Variants in RFTN2 observed in about 807,000 individuals in gnomAD.
The protein encoded by RFTN2 is raftlin-2.
Under a neutral mutation model 52.7 loss-of-function variants are expected in RFTN2, and 34 were observed. That is an observed-to-expected ratio of 0.64 (90% CI 0.49 to 0.86). RFTN2 has a LOEUF of 0.86. Ranked by LOEUF, RFTN2 falls within the 40% of genes least tolerant of loss-of-function variation. The pLI, the probability that RFTN2 is intolerant of heterozygous loss-of-function variation, is 0.00. For missense variants in RFTN2, 536 were observed against 600.1 expected (o/e 0.89, Z 1.12); for synonymous variants, 203 against 217.7 (o/e 0.93, Z 0.59).
chr2:197,597,120 T>G (rs967425041), intron 7 of RFTN2, among the ~76,000 whole-genome samples: 1 of 152,238 alleles, frequency 6.6e-6, no homozygotes, highest in Non-Finnish European at 1.5e-5. Flanking sequence ...ATATGTCAAC[T>G]GCATACCATT....
chr2:197,580,016 G>A lies in RFTN2; in HGVS notation c.1234-7736C>T, dbSNP rs536958974. Among the ~76,000 whole-genome samples the A allele has an allele frequency of 5.3e-5, 8 of 152,118 alleles. No homozygotes were observed. The East Asian group carries it at 7.7e-4, about 15-fold the overall frequency. ...TCCGACCTCTCCCAAATCAATTAGC[G>A]TTTAGGCTCTTTTTCATCAAATTAA... On this transcript the variant is annotated intron_variant, in intron 8 of 8. Transcript: ENST00000295049.
chr2:197,584,905 T>C (rs958346924), intron 8 of RFTN2, among the ~76,000 whole-genome samples: 5 of 152,160 alleles, frequency 3.3e-5, no homozygotes, highest in Admixed American at 6.5e-5. Context: ...ACCAGCTATA[T>C]GAAGACACCC....
intron 1 of RFTN2, among the ~76,000 whole-genome samples, chr2:197,665,109 G>A (rs192645812): frequency 3.9e-5 from 6 of 152,270 alleles, no homozygotes; most frequent in African/African-American, 4.8e-5. Context: ...GCAATATCCC[G>A]TGTAACAAAC....
chr2:197,634,111 A>G (rs1327926041), intron 3 of RFTN2, 114 bp from the exon 4 acceptor site: 2 of 854,578 alleles, frequency 2.3e-6, no homozygotes, highest in East Asian at 2.6e-5. Flanking sequence ...GAGTAACTTG[A>G]CCAGTGACAA....
intron 7 of RFTN2, among the ~76,000 whole-genome samples, chr2:197,603,582 G>A (rs2087913053): frequency 6.6e-6 from 1 of 152,080 alleles, no homozygotes; most frequent in African/African-American, 2.4e-5. Flanking sequence ...CTCCCAAAGG[G>A]CTGAGATTAC....
At chr2:197,615,436 C>T (rs2088125836) in intron 7 of RFTN2, among the ~76,000 whole-genome samples, 1 of 152,150 alleles carries the variant, frequency 6.6e-6, no homozygotes, top group Admixed American at 6.5e-5. Context: ...TTTTCCTTTC[C>T]AGGAAAGTTA....
intron 4 of RFTN2, 82 bp downstream of exon 4, chr2:197,633,636 A>G (rs1233450572): frequency 1.4e-5 from 14 of 1,015,984 alleles, no homozygotes; most frequent in Non-Finnish European, 1.9e-5. Flanking sequence ...ATTTACTTTG[A>G]CTCATATTTC....
intron 3 of RFTN2, among the ~76,000 whole-genome samples, chr2:197,635,169 C>T (rs1368352352): frequency 1.3e-5 from 2 of 152,038 alleles, no homozygotes; most frequent in Non-Finnish European, 2.9e-5. Flanking sequence ...CAAGTCTTTG[C>T]TATTGTGAAT....
chr2:197,672,923 T>G lies in RFTN2; in HGVS notation c.139+2397A>C, dbSNP rs114438017. ...ATGGGAGGTGTAAGTTGTTTTGTTT[T>G]CTGGGTGGAGCTTTGAAAGTGATAT... is the stretch of plus-strand genomic sequence containing the variant. On this transcript the variant is annotated intron_variant, in intron 1 of 8. Coordinates refer to ENST00000295049, the MANE Select transcript of RFTN2 (RefSeq NM_144629.3). Among the ~76,000 whole-genome samples the G allele has an allele frequency of 6.5e-3, 991 of 152,224 alleles. 11 individuals carry two copies. Among genetic ancestry groups the G allele is most frequent in the South Asian group, 0.032 (155 of 4,820 alleles).
At chr2:197,664,643 G>A (rs952041254) in intron 1 of RFTN2, among the ~76,000 whole-genome samples, 4 of 151,858 alleles carry the variant, frequency 2.6e-5, no homozygotes, top group South Asian at 2.1e-4. Context: ...AATTTAGCTG[G>A]GTGTGGTGGT....
chr2:197,593,655 G>A (rs575171552), intron 8 of RFTN2, among the ~76,000 whole-genome samples: 3 of 152,186 alleles, frequency 2.0e-5, no homozygotes, highest in Admixed American at 6.5e-5. Flanking sequence ...GTGGGAGGCC[G>A]AGGTGGGGGG....
intron 7 of RFTN2, among the ~76,000 whole-genome samples, chr2:197,598,390 C>A (rs893126596): frequency 6.6e-6 from 1 of 152,074 alleles, no homozygotes; most frequent in South Asian, 2.1e-4. Context: ...GCAGAAGAGA[C>A]CTTCTGGGTA....
At chr2:197,655,688 G>A (rs2106261284) in intron 1 of RFTN2, among the ~76,000 whole-genome samples, 1 of 152,216 alleles carries the variant, frequency 6.6e-6, no homozygotes, top group South Asian at 2.1e-4. Flanking sequence ...GCCAGGCATG[G>A]TGGTGTGTGC....
chr2:197,599,012 C>CA (rs1177682911), intron 7 of RFTN2, among the ~76,000 whole-genome samples: 2 of 151,502 alleles, frequency 1.3e-5, no homozygotes, highest in African/African-American at 4.9e-5. Flanking sequence ...AGTGCAGTGG[C>CA]ACGACCTCGG....
intron 8 of RFTN2, among the ~76,000 whole-genome samples, chr2:197,589,934 TCTCA>T (rs771946348): frequency 6.6e-5 from 10 of 152,214 alleles, no homozygotes; most frequent in Non-Finnish European, 1.2e-4. Context: ...TGAGACAAGG[TCTCA>T]CTCTGTTGCT....
At chr2:197,589,219 CAAAAAAAAAAAAAAAAAAAAA>C (rs35798927) in intron 8 of RFTN2, among the ~76,000 whole-genome samples, 6 of 33,536 alleles carry the variant, frequency 1.8e-4, no homozygotes, top group South Asian at 2.7e-3. Context: ...GACTCTGTCT[CAAAAAAAAAAAAAAAAAAAAA>C]AAAAAAAAAA....
intron 8 of RFTN2, chr2:197,588,162 C>T: frequency 2.6e-6 from 1 of 383,534 alleles, no homozygotes; most frequent in Non-Finnish European, 5.2e-6. Flanking sequence ...CCTATAATTC[C>T]ATCTCCCAGA....
At chr2:197,588,530 G>A (rs1006728500) in intron 8 of RFTN2, among the ~76,000 whole-genome samples, 1 of 152,128 alleles carries the variant, frequency 6.6e-6, no homozygotes. Flanking sequence ...TTATTTCTGA[G>A]TATTTAATTG....
chr2:197,577,630 C>T (rs985910077), intron 8 of RFTN2, among the ~76,000 whole-genome samples: 1 of 152,234 alleles, frequency 6.6e-6, no homozygotes, highest in Non-Finnish European at 1.5e-5. Context: ...GCGCTCCTTT[C>T]TCAAGCCTGG....
Sources: gnomAD v4.1 joint callset for allele counts (sites outside exome capture counted in the v4.1 genomes callset) on GRCh38, gnomAD v4.1.1 for gene constraint, MANE v1.5 for transcripts, NCBI Gene and HGNC (gene_info 2026-07-23, HGNC 2026-07-21) for gene names.